Variants in DENND1A observed in about 807,000 individuals in gnomAD.
DENND1A encodes DENN domain-containing protein 1A.
Under a neutral mutation model 113.7 loss-of-function variants are expected in DENND1A, and 51 were observed. That is an observed-to-expected ratio of 0.45 (90% CI 0.36 to 0.57). DENND1A has a LOEUF of 0.57. Among genes scored for constraint, DENND1A ranks in the 20% least tolerant of loss-of-function variants. The pLI is 0.00. For missense variants in DENND1A, 1,258 were observed against 1,395.9 expected (o/e 0.90, Z 1.57); for synonymous variants, 565 against 570.8 (o/e 0.99, Z 0.14).
At chr9:123,850,012 C>G (rs1843110619) in intron 2 of DENND1A, among the ~76,000 whole-genome samples, 1 of 152,206 alleles carries the variant, frequency 6.6e-6, no homozygotes. Context: ...AATGTCCTTT[C>G]TTGAGATGGA....
chr9:123,790,838 T>C (rs1832892894), intron 3 of DENND1A, among the ~76,000 whole-genome samples: 1 of 152,180 alleles, frequency 6.6e-6, no homozygotes, highest in Non-Finnish European at 1.5e-5. Context: ...CACAAACTTC[T>C]ATGTGTACTC....
chr9:123,757,405 C>T (rs550537200), intron 5 of DENND1A, among the ~76,000 whole-genome samples: 1 of 152,188 alleles, frequency 6.6e-6, no homozygotes, highest in South Asian at 2.1e-4. Context: ...TTTCTGACAG[C>T]TCCAGATAAC....
At chr9:123,619,201 C>G (rs1589380472) in intron 10 of DENND1A, among the ~76,000 whole-genome samples, 1 of 152,270 alleles carries the variant, frequency 6.6e-6, no homozygotes. Flanking sequence ...CCCACCTGGG[C>G]CTCCCAAAGC....
intron 21 of DENND1A, among the ~76,000 whole-genome samples, chr9:123,397,177 T>TA (rs1001269943): frequency 6.6e-6 from 1 of 152,208 alleles, no homozygotes; most frequent in Non-Finnish European, 1.5e-5. Flanking sequence ...TCTTTTTTTT[T>TA]AGAGTCTCAC....
At chr9:123,850,130 C>G (rs368478800) in intron 2 of DENND1A, among the ~76,000 whole-genome samples, 7 of 152,256 alleles carry the variant, frequency 4.6e-5, no homozygotes, top group East Asian at 1.9e-4. Context: ...GAGAGGTTTC[C>G]GATTCTAAAA....
intron 9 of DENND1A, among the ~76,000 whole-genome samples, chr9:123,633,360 T>G (rs1250797566): frequency 6.6e-6 from 1 of 152,140 alleles, no homozygotes; most frequent in African/African-American, 2.4e-5. Context: ...GTGTCCTGAA[T>G]AAATAAAATA....
intron 11 of DENND1A, among the ~76,000 whole-genome samples, chr9:123,602,862 T>C (rs1389280877): frequency 6.6e-6 from 1 of 152,186 alleles, no homozygotes; most frequent in Non-Finnish European, 1.5e-5. Flanking sequence ...TGTTTTTAAT[T>C]TTACGTAGAG....
At chr9:123,625,037 G>A (rs1385442990) in intron 10 of DENND1A, among the ~76,000 whole-genome samples, 16 of 152,226 alleles carry the variant, frequency 1.1e-4, no homozygotes, top group African/African-American at 3.4e-4. Flanking sequence ...TCCCCATCAC[G>A]GGTCTCTGTT....
chr9:123,616,497 AG>A, intron 10 of DENND1A, among the ~76,000 whole-genome samples: 1 of 152,360 alleles, frequency 6.6e-6, no homozygotes, highest in African/African-American at 2.4e-5. Context: ...TTCTGTTCTA[AG>A]CGGGATTTAA....
intron 5 of DENND1A, among the ~76,000 whole-genome samples, chr9:123,753,759 A>G (rs895085086): frequency 1.3e-5 from 2 of 152,206 alleles, no homozygotes; most frequent in African/African-American, 4.8e-5. Flanking sequence ...TGACCTTCCA[A>G]TAGGAGGAAA....
chr9:123,699,498 C>T (rs1348338975), intron 5 of DENND1A, among the ~76,000 whole-genome samples: 2 of 151,968 alleles, frequency 1.3e-5, no homozygotes, highest in East Asian at 1.9e-4. Flanking sequence ...AAGCTCACCC[C>T]GTCCCCATCT....
intron 12 of DENND1A, among the ~76,000 whole-genome samples, chr9:123,570,536 A>C (rs1213748872): frequency 2.0e-5 from 3 of 152,162 alleles, no homozygotes; most frequent in Admixed American, 1.3e-4. Flanking sequence ...AAGTGGGGGC[A>C]AGACTGGCAG....
chr9:123,507,666 T>G (rs974753274), intron 13 of DENND1A, among the ~76,000 whole-genome samples: 1 of 149,030 alleles, frequency 6.7e-6, no homozygotes, highest in Non-Finnish European at 1.5e-5. Context: ...CTGGGCAACA[T>G]AGCGGGACCC....
intron 13 of DENND1A, among the ~76,000 whole-genome samples, chr9:123,539,375 T>C (rs1364841678): frequency 1.3e-5 from 2 of 152,102 alleles, no homozygotes; most frequent in South Asian, 2.1e-4. Flanking sequence ...GAGGAACCTA[T>C]AAGTTGAAAG....
chr9:123,746,228 T>C (rs115333578), intron 5 of DENND1A, among the ~76,000 whole-genome samples: 9 of 152,212 alleles, frequency 5.9e-5, no homozygotes, highest in South Asian at 2.1e-4. Flanking sequence ...ACAATAGATA[T>C]AGCATACAGG....
chr9:123,398,994 C>A (rs573043924), intron 21 of DENND1A, among the ~76,000 whole-genome samples: 17 of 151,670 alleles, frequency 1.1e-4, no homozygotes, highest in African/African-American at 4.1e-4. Flanking sequence ...CGGGGTTTCG[C>A]CATGTTAGCC....
intron 9 of DENND1A, among the ~76,000 whole-genome samples, chr9:123,632,471 G>A (rs980322883): frequency 2.0e-5 from 3 of 152,304 alleles, no homozygotes; most frequent in Admixed American, 6.5e-5. Context: ...TGAGTGAGTG[G>A]AGAATGAACC....
chr9:123,830,565 T>C (rs1477269468), intron 2 of DENND1A, among the ~76,000 whole-genome samples: 1 of 151,922 alleles, frequency 6.6e-6, no homozygotes, highest in Admixed American at 6.6e-5. Flanking sequence ...AGTTTTCCCT[T>C]CAAAACAGGG....
At chr9:123,476,852 G>C (rs975779317) in intron 13 of DENND1A, among the ~76,000 whole-genome samples, 2 of 152,158 alleles carry the variant, frequency 1.3e-5, no homozygotes, top group African/African-American at 4.8e-5. Flanking sequence ...GATTCACATG[G>C]GCAGGATTTA....
Sources: gnomAD v4.1 joint callset for allele counts (sites outside exome capture counted in the v4.1 genomes callset) on GRCh38, gnomAD v4.1.1 for gene constraint, MANE v1.5 for transcripts, NCBI Gene and HGNC (gene_info 2026-07-23, HGNC 2026-07-21) for gene names.